CELSR1: variants seen among roughly 807,000 people sequenced by gnomAD.
CELSR1 encodes adhesion G protein-coupled receptor C1.
In CELSR1, 110 loss-of-function variants were observed where a neutral mutation model predicts 249.1. The observed-to-expected ratio is 0.44, with a 90% CI of 0.38 to 0.52. The LOEUF (loss-of-function observed/expected upper bound fraction) is 0.52. Among genes scored for constraint, CELSR1 ranks in the 20% least tolerant of loss-of-function variants. The pLI is 0.00. For synonymous variants in CELSR1, 2,113 were observed against 1,900.0 expected (o/e 1.11, Z -2.92); for missense variants, 4,109 against 4,296.4 (o/e 0.96, Z 1.22).
rs975133986 is a variant in CELSR1 at position 46,437,857 on chromosome 22, C to G, written c.4406+1332G>C. 6.6e-6 allele frequency among the ~76,000 whole-genome samples: 1 copy of G among 152,152 alleles called. No individual in the cohort carries two copies. On this transcript the variant is annotated intron_variant, in intron 3 of 34. Coordinates refer to ENST00000674500, the MANE Select transcript of CELSR1 (RefSeq NM_001378328.1). This position sits in a 1 kb window ranked among gnomAD's most constrained non-coding sequence, Gnocchi z 4.9. ...AACACAAAGAAGAATACCCACACAGCACACTGATGCTTGGGCAGGGAATGA... is the reference window on the plus strand; with the variant it reads ...AACACAAAGAAGAATACCCACACAGGACACTGATGCTTGGGCAGGGAATGA...
intron 1 of CELSR1, among the ~76,000 whole-genome samples, chr22:46,486,235 G>A (rs955861169): frequency 3.4e-5 from 5 of 146,778 alleles, no homozygotes; most frequent in South Asian, 2.5e-4. Flanking sequence ...CACCGCGCCC[G>A]GCCTCAGGTA....
rs553847505 is a variant in CELSR1 at position 46,405,862 on chromosome 22, G to A, written c.5226+3134C>T. ...AGGCCTGCAAGCTGATAATGGCAAGGAGAAATCCCCCAGAACCTTCGGTAA... is the reference window on the plus strand; with the variant it reads ...AGGCCTGCAAGCTGATAATGGCAAGAAGAAATCCCCCAGAACCTTCGGTAA... On this transcript the variant is annotated intron_variant, in intron 9 of 34. Transcript: ENST00000674500. 2.6e-5 allele frequency among the ~76,000 whole-genome samples: 4 copies of A among 152,250 alleles called. No homozygotes were observed. In the South Asian group the frequency reaches 8.3e-4, roughly 32 times the overall value.
chr22:46,459,483 T>A (rs2079995263), intron 2 of CELSR1, among the ~76,000 whole-genome samples: 1 of 152,170 alleles, frequency 6.6e-6, no homozygotes, highest in East Asian at 1.9e-4. Flanking sequence ...GGATCTAAGC[T>A]GGTAAACCTG....
chr22:46,451,027 T>C (rs1202087650), intron 2 of CELSR1, among the ~76,000 whole-genome samples: 2 of 152,188 alleles, frequency 1.3e-5, no homozygotes, highest in African/African-American at 4.8e-5. Context: ...AGGCACCCTC[T>C]GTTCACCCCT....
rs2079136573 is a variant in CELSR1 at position 46,395,343 on chromosome 22, C to A, written c.5844-1081G>T. 6.6e-6 allele frequency among the ~76,000 whole-genome samples: 1 copy of A among 152,122 alleles called. No homozygotes were observed. Among genetic ancestry groups the A allele is most frequent in the African/African-American group, 2.4e-5 (1 of 41,404 alleles). On this transcript the variant is annotated intron_variant, in intron 13 of 34. Coordinates refer to ENST00000674500, the MANE Select transcript of CELSR1 (RefSeq NM_001378328.1). This position sits in a 1 kb window ranked among gnomAD's most constrained non-coding sequence, Gnocchi z 5.5. ...TCCTGCCACTTTAGTGCTGGGCCCC[C>A]ACGGCCTCCACACAGCCGAATTCTG...
chr22:46,415,826 C>T (rs559767526), intron 5 of CELSR1, among the ~76,000 whole-genome samples: 3 of 152,250 alleles, frequency 2.0e-5, no homozygotes, highest in Admixed American at 1.3e-4. Flanking sequence ...GGTCGAGAGG[C>T]GCATGGACAA....
Position 46,401,990 on chromosome 22 carries a change from A to C in CELSR1, c.5227-2088T>G, listed in dbSNP as rs879487537. ...GTAGTTCCAGCTGCTTGGGAGGCTG[A>C]GACAGGAGAATTGCTTGAACTCGGG... On this transcript the variant is annotated intron_variant, in intron 9 of 34. Transcript: ENST00000674500. This position sits in a 1 kb window ranked among gnomAD's most constrained non-coding sequence, Gnocchi z 4.7. Among the ~76,000 whole-genome samples the C allele has an allele frequency of 2.6e-5, 4 of 152,020 alleles. No individual in the cohort carries two copies. Among genetic ancestry groups the C allele is most frequent in the Non-Finnish European group, 5.9e-5 (4 of 67,996 alleles).
At chr22:46,366,628 G>A in intron 29 of CELSR1, 148 bp from the exon 30 acceptor site, 2 of 706,264 alleles carry the variant, frequency 2.8e-6, no homozygotes, top group Admixed American at 2.4e-5. Flanking sequence ...GCCCCAAGCA[G>A]TCAACCCTCA....
At chr22:46,422,657 C>T (rs1173879798) in intron 5 of CELSR1, among the ~76,000 whole-genome samples, 1 of 151,384 alleles carries the variant, frequency 6.6e-6, no homozygotes, top group African/African-American at 2.4e-5. Flanking sequence ...GTCCCAGCTA[C>T]TCAGGAGACT....
rs35717982 is a variant in CELSR1, at chr22:46,406,546, C to T, written c.5226+2450G>A. Among the ~76,000 whole-genome samples, 778 of 152,328 alleles carry T rather than the reference C, an allele frequency of 5.1e-3. 4 individuals carry two copies. The highest frequency in any genetic ancestry group is 0.037 in the Middle Eastern group (11 of 294). ...GCTGGGAGCACTCTCGGTCCTGCCC[C>T]CGCCACACTCCAACCAGGCACTCAT... is the stretch of plus-strand genomic sequence containing the variant. On this transcript the variant is annotated intron_variant, in intron 9 of 34. Coordinates refer to ENST00000674500, the MANE Select transcript of CELSR1 (RefSeq NM_001378328.1). This position sits in a 1 kb window ranked among gnomAD's most constrained non-coding sequence, Gnocchi z 5.4.
rs1042672091 is a variant in CELSR1, at chr22:46,402,187, T to G, written c.5227-2285A>C. ...GAAGCAAACATGGAAGATAATGACA[T>G]CCCCATCATCCCCATTCTAGTTTCT... On this transcript the variant is annotated intron_variant, in intron 9 of 34. Transcript: ENST00000674500. The surrounding 1 kb of genome is among the most constrained non-coding windows in gnomAD (Gnocchi z 5.0). 6.6e-6 allele frequency among the ~76,000 whole-genome samples: 1 copy of G among 151,454 alleles called. No homozygotes were observed. The highest frequency in any genetic ancestry group is 1.5e-5 in the Non-Finnish European group (1 of 67,896).
In CELSR1 at chr22:46,410,281, A is replaced by G. The variant is rs1323174800; in HGVS notation, c.4933+117T>C. ...AGGAGCTGCCCACCGCTGGACACATACATTTCTAAGAAAAACACGGCTCCC... is the reference window on the plus strand; with the variant it reads ...AGGAGCTGCCCACCGCTGGACACATGCATTTCTAAGAAAAACACGGCTCCC... On this transcript the variant is annotated intron_variant, in intron 7 of 34. Coordinates refer to ENST00000674500, the MANE Select transcript of CELSR1 (RefSeq NM_001378328.1). This position sits in a 1 kb window ranked among gnomAD's most constrained non-coding sequence, Gnocchi z 6.8. 1.5e-6 allele frequency: 2 copies of G among 1,322,108 alleles called. No homozygotes were observed. Among genetic ancestry groups the G allele is most frequent in the African/African-American group, 1.4e-5 (1 of 69,036 alleles). 81.9% of individuals were successfully genotyped at this position (1,322,108 alleles called of 1,614,324 possible).
In CELSR1 at chr22:46,390,414, G is replaced by T. The variant is rs760321256; in HGVS notation, c.6323C>A (p.Ser2108Tyr). The T allele has an allele frequency of 7.4e-6, 12 of 1,613,630 alleles. No individual in the cohort carries two copies. The highest frequency in any genetic ancestry group is 3.3e-5 in the South Asian group (3 of 90,944). Residue 2108 changes from serine (S) to tyrosine (Y), a missense_variant, in exon 17 of 35, where the codon TCC becomes TAC. Around this residue, in one of 7 missense-constraint regions of CELSR1, gnomAD observed 1,805 missense variants for 1,831.6 expected, o/e 0.99. Coordinates refer to ENST00000674500, the MANE Select transcript of CELSR1 (RefSeq NM_001378328.1). The surrounding 1 kb of genome is among the most constrained non-coding windows in gnomAD (Gnocchi z 6.3). ...TACCATGGCCCTGAGGTCCACGAAGGAGATGGTGGTACAGTTAAAGAGCTC... is the reference window on the plus strand; with the variant it reads ...TACCATGGCCCTGAGGTCCACGAAGTAGATGGTGGTACAGTTAAAGAGCTC... ...PPELFNCTTI[S>Y]FVDLRAMNEK...
chr22:46,505,045 G>A (rs1277501462), intron 1 of CELSR1, among the ~76,000 whole-genome samples: 4 of 151,902 alleles, frequency 2.6e-5, no homozygotes, highest in Non-Finnish European at 5.9e-5. Flanking sequence ...GGCGGATCAT[G>A]AGGTCAGGAG....
rs923422468 is a variant in CELSR1, at chr22:46,526,548, C to T, written c.3544+7079G>A. Among the ~76,000 whole-genome samples, 6 of 152,200 alleles carry T rather than the reference C, an allele frequency of 3.9e-5. No individual in the cohort carries two copies. Among genetic ancestry groups the T allele is most frequent in the Non-Finnish European group, 8.8e-5 (6 of 68,042 alleles). On this transcript the variant is annotated intron_variant, in intron 1 of 34. Transcript: ENST00000674500. This position sits in a 1 kb window ranked among gnomAD's most constrained non-coding sequence, Gnocchi z 4.7. ...TCTCACAGAGGCCACCAAGGACCTG[C>T]CCTTGGCTAACCCATCACATCTCTG...
At position 46,408,498 on chromosome 22, in the gene CELSR1, A is replaced by AT. The variant is rs1021619631; in HGVS notation, c.5226+497dup. Among the ~76,000 whole-genome samples the AT allele has an allele frequency of 1.3e-5, 2 of 151,944 alleles. No homozygotes were observed. Among genetic ancestry groups the AT allele is most frequent in the African/African-American group, 2.4e-5 (1 of 41,368 alleles). On this transcript the variant is annotated intron_variant, in intron 9 of 34. Coordinates refer to ENST00000674500, the MANE Select transcript of CELSR1 (RefSeq NM_001378328.1). This position sits in a 1 kb window ranked among gnomAD's most constrained non-coding sequence, Gnocchi z 4.6. ...AGGCCCCCACTACCAAGCCTGGCTAATTTTTTTTGTATTTTTAGTAGAGAT... is the reference window on the plus strand; with the variant it reads ...AGGCCCCCACTACCAAGCCTGGCTAATTTTTTTTTGTATTTTTAGTAGAGAT...
intron 2 of CELSR1, among the ~76,000 whole-genome samples, chr22:46,444,269 G>A (rs1349947507): frequency 1.3e-5 from 2 of 152,280 alleles, no homozygotes; most frequent in African/African-American, 4.8e-5. Flanking sequence ...CCAGCCCTGA[G>A]TGAAGACAGC....
chr22:46,481,172 T>C (rs1350375730), intron 1 of CELSR1, among the ~76,000 whole-genome samples: 2 of 151,844 alleles, frequency 1.3e-5, no homozygotes, highest in Non-Finnish European at 2.9e-5. Flanking sequence ...GAGGTGGAGG[T>C]TGCAGTGAGC....
chr22:46,468,520 G>A lies in CELSR1; in HGVS notation c.3545-4175C>T, dbSNP rs1311545675. Among the ~76,000 whole-genome samples the A allele has an allele frequency of 6.6e-6, 1 of 152,162 alleles. No individual in the cohort carries two copies. The highest frequency in any genetic ancestry group is 1.5e-5 in the Non-Finnish European group (1 of 68,042). On this transcript the variant is annotated intron_variant, in intron 1 of 34. Transcript: ENST00000674500. The surrounding 1 kb of genome is among the most constrained non-coding windows in gnomAD (Gnocchi z 4.5). ...GCTCACTGCAATAAGCCGGTCACAT[G>A]TGAGGCTGCACTTACAGGAGGTCCC... is the stretch of plus-strand genomic sequence containing the variant.
Sources: allele counts gnomAD v4.1 joint callset (sites outside exome capture counted in the v4.1 genomes callset), GRCh38; gene constraint gnomAD v4.1.1; regional missense constraint gnomAD v4.1.1; non-coding constraint Gnocchi (gnomAD v3.1); transcripts MANE v1.5; gene names NCBI Gene and HGNC (gene_info 2026-07-23, HGNC 2026-07-21).